The following RORA variants were observed in gnomAD, a reference collection of about 807,000 sequenced individuals.
RORA encodes nuclear receptor ROR-alpha.
RORA carries 7 observed loss-of-function variants against 69.5 expected under a neutral mutation model. The ratio of observed to expected loss-of-function variants is 0.10; its 90% confidence interval spans 0.06 to 0.19. The LOEUF (loss-of-function observed/expected upper bound fraction) is 0.19, where lower values mean the gene tolerates loss of function less well. RORA is among the 10% of genes least tolerant of loss of function. RORA has a pLI of 1.00. For synonymous variants in RORA, 261 were observed against 240.8 expected (o/e 1.08, Z -0.78); for missense variants, 457 against 663.0 (o/e 0.69, Z 3.41).
intron 1 of RORA, among the ~76,000 whole-genome samples, chr15:60,691,538 G>C (rs1439213144): frequency 6.6e-6 from 1 of 152,206 alleles, no homozygotes; most frequent in Non-Finnish European, 1.5e-5. Context: ...TCCTGGAAGT[G>C]TGTAGAGAAG....
chr15:60,804,260 C>T (rs1051587579), intron 1 of RORA, among the ~76,000 whole-genome samples: 1 of 136,494 alleles, frequency 7.3e-6, no homozygotes, highest in Admixed American at 8.1e-5. Context: ...GGGACTCCAG[C>T]CTGGGCAACA....
chr15:60,658,408 C>T (rs920455820), intron 2 of RORA, among the ~76,000 whole-genome samples: 2 of 152,254 alleles, frequency 1.3e-5, no homozygotes, highest in South Asian at 2.1e-4. Flanking sequence ...TCAGGGAGAT[C>T]AAGGGGATTC....
At position 60,537,767 on chromosome 15, in the gene RORA, C is replaced by T. The variant is rs1415191576; in HGVS notation, c.197-5916G>A. Reference sequence around the variant, plus strand: ...ATAACACTAATATGTTTCCCTAGTACATTATTTTCTTCTCTTGATTTTGGA... The same window carrying T: ...ATAACACTAATATGTTTCCCTAGTATATTATTTTCTTCTCTTGATTTTGGA... On this transcript the variant is annotated intron_variant, in intron 2 of 10. Coordinates refer to ENST00000335670, the MANE Select transcript of RORA (RefSeq NM_134261.3). The surrounding 1 kb of genome is among the most constrained non-coding windows in gnomAD (Gnocchi z 4.9). 1.3e-5 allele frequency among the ~76,000 whole-genome samples: 2 copies of T among 152,202 alleles called. No individual in the cohort carries two copies. Among genetic ancestry groups the T allele is most frequent in the Non-Finnish European group, 2.9e-5 (2 of 68,028 alleles).
At chr15:61,030,263 G>A (rs1415373362) in intron 1 of RORA, among the ~76,000 whole-genome samples, 1 of 152,086 alleles carries the variant, frequency 6.6e-6, no homozygotes, top group Non-Finnish European at 1.5e-5. Flanking sequence ...AAACTTGAAC[G>A]GGGTCAAAGG....
chr15:60,949,597 C>A (rs900401933), intron 1 of RORA, among the ~76,000 whole-genome samples: 1 of 152,182 alleles, frequency 6.6e-6, no homozygotes, highest in Admixed American at 6.5e-5. Flanking sequence ...GCTGGACACT[C>A]CACTGCAGGA....
chr15:60,997,473 T>C (rs980750571), intron 1 of RORA, among the ~76,000 whole-genome samples: 1 of 152,206 alleles, frequency 6.6e-6, no homozygotes, highest in African/African-American at 2.4e-5. Flanking sequence ...AAAGAAAAGA[T>C]ATATTTATAT....
At chr15:60,519,718 G>A (rs1199481227) in intron 3 of RORA, among the ~76,000 whole-genome samples, 1 of 152,074 alleles carries the variant, frequency 6.6e-6, no homozygotes, top group Non-Finnish European at 1.5e-5. Flanking sequence ...TCTGGATTAG[G>A]AGTCACATAA....
At chr15:60,934,278 C>T (rs899521629) in intron 1 of RORA, among the ~76,000 whole-genome samples, 2 of 152,056 alleles carry the variant, frequency 1.3e-5, no homozygotes, top group Admixed American at 1.3e-4. Flanking sequence ...AATGGGGGAG[C>T]AGAAAGGAAG....
intron 1 of RORA, among the ~76,000 whole-genome samples, chr15:60,719,578 A>G (rs2071266858): frequency 6.6e-6 from 1 of 152,224 alleles, no homozygotes; most frequent in Admixed American, 6.5e-5. Context: ...TTAATGGCCA[A>G]TCTTATGTGC....
At chr15:60,604,563 G>A (rs1380171289) in intron 2 of RORA, among the ~76,000 whole-genome samples, 1 of 152,020 alleles carries the variant, frequency 6.6e-6, no homozygotes, top group Non-Finnish European at 1.5e-5. Flanking sequence ...CTCCACACTA[G>A]AGTCAGGAAA....
intron 1 of RORA, among the ~76,000 whole-genome samples, chr15:60,885,999 G>A (rs1319802389): frequency 6.6e-6 from 1 of 152,178 alleles, no homozygotes; most frequent in Admixed American, 6.5e-5. Flanking sequence ...TGGTCACTCT[G>A]ACTTTTCCTA....
At chr15:60,895,792 A>G (rs981241934) in intron 1 of RORA, among the ~76,000 whole-genome samples, 16 of 152,310 alleles carry the variant, frequency 1.1e-4, no homozygotes, top group African/African-American at 3.8e-4. Flanking sequence ...AGTATAAGCT[A>G]GGGCTCTTAC....
At position 60,505,635 on chromosome 15, in the gene RORA, G is replaced by A. The variant is rs762181093; in HGVS notation, c.821-6C>T. 1.2e-6 allele frequency: 2 copies of A among 1,611,854 alleles called. No individual in the cohort carries two copies. The highest frequency in any genetic ancestry group is 1.7e-5 in the Admixed American group (1 of 59,524). ...TATATTCTGTGCAAGGTGTTCTAAG[G>A]AGAAAACGGGAGATCACAAACACGA... On this transcript the variant is annotated splice_region_variant and splice_polypyrimidine_tract_variant and intron_variant, in intron 5 of 10. Coordinates refer to ENST00000335670, the MANE Select transcript of RORA (RefSeq NM_134261.3).
chr15:60,788,303 T>C (rs901752092), intron 1 of RORA, among the ~76,000 whole-genome samples: 1 of 151,804 alleles, frequency 6.6e-6, no homozygotes, highest in African/African-American at 2.4e-5. Context: ...CACAGTCGAG[T>C]GGGGAGACAG....
At chr15:60,872,417 T>G (rs746659708) in intron 1 of RORA, among the ~76,000 whole-genome samples, 1 of 152,162 alleles carries the variant, frequency 6.6e-6, no homozygotes, top group Non-Finnish European at 1.5e-5. Context: ...TATTGTTTGG[T>G]CTTCACTCTG....
At chr15:60,516,470 A>T (rs1293825725) in intron 3 of RORA, among the ~76,000 whole-genome samples, 1 of 150,640 alleles carries the variant, frequency 6.6e-6, no homozygotes, top group Non-Finnish European at 1.5e-5. Context: ...AGGTAAGTAG[A>T]GTCATTTCCA....
intron 1 of RORA, among the ~76,000 whole-genome samples, chr15:61,190,324 G>T (rs866103113): frequency 5.3e-5 from 8 of 152,190 alleles, no homozygotes; most frequent in South Asian, 4.1e-4. Context: ...CTATAAAATT[G>T]ATTGTTTTAC....
intron 1 of RORA, among the ~76,000 whole-genome samples, chr15:61,069,920 G>T (rs1342809011): frequency 6.6e-6 from 1 of 152,110 alleles, no homozygotes; most frequent in East Asian, 1.9e-4. Context: ...CATTCCCAAA[G>T]TCAGAACAGA....
intron 5 of RORA, among the ~76,000 whole-genome samples, 180 bp from the exon 6 acceptor site, chr15:60,505,809 C>A (rs1595875346): frequency 6.6e-6 from 1 of 152,162 alleles, no homozygotes; most frequent in African/African-American, 2.4e-5. Flanking sequence ...TGAAGGAGGA[C>A]AGGGACTTTG....
Sources: allele counts gnomAD v4.1 joint callset (sites outside exome capture counted in the v4.1 genomes callset), GRCh38; gene constraint gnomAD v4.1.1; non-coding constraint Gnocchi (gnomAD v3.1); transcripts MANE v1.5; gene names NCBI Gene and HGNC (gene_info 2026-07-23, HGNC 2026-07-21).